PCLO: variants seen among roughly 807,000 people sequenced by gnomAD.
PCLO encodes piccolo presynaptic cytomatrix protein.
Under a neutral mutation model 427.5 loss-of-function variants are expected in PCLO, and 82 were observed. The observed-to-expected ratio is 0.19, with a 90% CI of 0.16 to 0.23. The LOEUF is 0.23. Among genes scored for constraint, PCLO ranks in the 10% least tolerant of loss-of-function variants. PCLO has a pLI of 1.00. For missense variants in PCLO, 6,239 were observed against 6,115.9 expected (o/e 1.02, Z -0.67); for synonymous variants, 2,357 against 2,155.4 (o/e 1.09, Z -2.59).
intron 9 of PCLO, among the ~76,000 whole-genome samples, chr7:82,896,676 A>G (rs1487039631): frequency 7.7e-6 from 1 of 129,536 alleles, no homozygotes; most frequent in East Asian, 2.4e-4. Context: ...AAATAATAAT[A>G]ATAATAATAT....
At chr7:82,876,455 T>TACACACACACACACACACAC (rs35270740) in intron 10 of PCLO, among the ~76,000 whole-genome samples, 26 of 143,102 alleles carry the variant, frequency 1.8e-4, no homozygotes, top group African/African-American at 6.6e-4. Flanking sequence ...AAAACAAGTA[T>TACACACACACACACACACAC]ACACACACAC....
chr7:82,954,091 T>G lies in PCLO; in HGVS notation c.6862A>C (p.Thr2288Pro). Reference sequence around the variant, plus strand: ...GATATAAGTAAGTCAGTAGAAACAGTGTCAGCAACTGGCCCTTCAGGTTTA... The same window carrying G: ...GATATAAGTAAGTCAGTAGAAACAGGGTCAGCAACTGGCCCTTCAGGTTTA... ...VPKPEGPVAD[T>P]VSTDLLISEK... is the part of the protein sequence containing the mutation. Residue 2288 changes from threonine to proline, a missense_variant, in exon 5 of 25, where the codon ACT becomes CCT. By Grantham distance (38) the Thr-to-Pro change is conservative (BLOSUM62 -1). Around this residue, in one of 5 missense-constraint regions of PCLO, gnomAD observed 4,677 missense variants for 4,468.4 expected, o/e 1.05. Coordinates refer to ENST00000333891, the MANE Select transcript of PCLO (RefSeq NM_033026.6). The G allele has an allele frequency of 6.2e-7, 1 of 1,613,846 alleles. No individual in the cohort carries two copies. Among genetic ancestry groups the G allele is most frequent in the Non-Finnish European group, 8.5e-7 (1 of 1,179,814 alleles).
At chr7:82,843,981 T>G (rs1318847080) in intron 13 of PCLO, among the ~76,000 whole-genome samples, 1 of 152,080 alleles carries the variant, frequency 6.6e-6, no homozygotes, top group Non-Finnish European at 1.5e-5. Flanking sequence ...GTATACATAT[T>G]TTAAAACATC....
intron 2 of PCLO, among the ~76,000 whole-genome samples, chr7:83,154,546 AG>A (rs1421676618): frequency 6.6e-6 from 1 of 152,186 alleles, no homozygotes; most frequent in African/African-American, 2.4e-5. Flanking sequence ...TCAAATTTTC[AG>A]AAATTGTGGC....
At chr7:82,848,303 A>ATTTTT (rs1792556648) in intron 10 of PCLO, among the ~76,000 whole-genome samples, 1 of 78,374 alleles carries the variant, frequency 1.3e-5, no homozygotes, top group Non-Finnish European at 2.8e-5. Context: ...ACCATTAGTT[A>ATTTTT]GTTTTTTTTT....
chr7:83,138,420 G>A (rs1178321069), intron 2 of PCLO, among the ~76,000 whole-genome samples: 1 of 152,136 alleles, frequency 6.6e-6, no homozygotes, highest in Non-Finnish European at 1.5e-5. Flanking sequence ...CAGCACTTTG[G>A]AAGGCCAACA....
At chr7:82,873,203 A>G (rs1217328336) in intron 10 of PCLO, among the ~76,000 whole-genome samples, 1 of 57,452 alleles carries the variant, frequency 1.7e-5, no homozygotes, top group Non-Finnish European at 3.6e-5. Flanking sequence ...TTTTTTTTGT[A>G]CATTCGAACC....
At chr7:82,879,884 A>G (rs761288964) in intron 9 of PCLO, 140 of 440,000 alleles carry the variant, frequency 3.2e-4, no homozygotes, top group Non-Finnish European at 6.2e-4. Context: ...CATACATACA[A>G]TTGTAATTTA....
At chr7:83,118,984 A>T (rs551764366) in intron 3 of PCLO, among the ~76,000 whole-genome samples, 27 of 152,216 alleles carry the variant, frequency 1.8e-4, no homozygotes, top group African/African-American at 6.5e-4. Flanking sequence ...ATAAAAAAAA[A>T]TTTTATCTTG....
At chr7:83,105,109 G>C (rs1304595279) in intron 3 of PCLO, among the ~76,000 whole-genome samples, 6 of 152,038 alleles carry the variant, frequency 3.9e-5, no homozygotes, top group African/African-American at 1.2e-4. Flanking sequence ...ATAAAATATA[G>C]GACATGTTCT....
intron 20 of PCLO, among the ~76,000 whole-genome samples, chr7:82,810,334 T>C (rs1442867134): frequency 6.6e-6 from 1 of 151,750 alleles, no homozygotes; most frequent in East Asian, 1.9e-4. Flanking sequence ...GTATTACATA[T>C]GAAAAAAGTT....
At chr7:83,093,805 A>T (rs1309845861) in intron 3 of PCLO, among the ~76,000 whole-genome samples, 4 of 21,908 alleles carry the variant, frequency 1.8e-4, no homozygotes, top group South Asian at 1.1e-3. Flanking sequence ...CACAAATATT[A>T]AAAAAAAAAA....
At chr7:83,128,529 T>C (rs1429125788) in intron 3 of PCLO, among the ~76,000 whole-genome samples, 1 of 152,088 alleles carries the variant, frequency 6.6e-6, no homozygotes, top group Non-Finnish European at 1.5e-5. Flanking sequence ...AGACTATTAA[T>C]TGATACAACC....
chr7:83,006,500 T>C (rs1787949312), intron 3 of PCLO, among the ~76,000 whole-genome samples: 2 of 151,572 alleles, frequency 1.3e-5, no homozygotes, highest in South Asian at 4.1e-4. Context: ...AGTTCCTTTC[T>C]CATACTGCTG....
At chr7:82,996,137 A>G (rs1248713335) in intron 3 of PCLO, among the ~76,000 whole-genome samples, 2 of 151,892 alleles carry the variant, frequency 1.3e-5, no homozygotes, top group African/African-American at 4.8e-5. Context: ...CAAAAATAAA[A>G]CAGGAATATA....
intron 3 of PCLO, among the ~76,000 whole-genome samples, chr7:83,030,604 AC>A (rs1403325132): frequency 6.6e-6 from 1 of 152,190 alleles, no homozygotes; most frequent in Non-Finnish European, 1.5e-5. Context: ...TGAGGAACAC[AC>A]CCCAGAAGCA....
chr7:83,005,659 G>A (rs1787928570), intron 3 of PCLO, among the ~76,000 whole-genome samples: 1 of 151,588 alleles, frequency 6.6e-6, no homozygotes, highest in Non-Finnish European at 1.5e-5. Context: ...CTGCTTGGCT[G>A]CAGCAGTCAT....
intron 22 of PCLO, among the ~76,000 whole-genome samples, chr7:82,774,868 C>T (rs563123946): frequency 1.2e-3 from 182 of 152,210 alleles, no homozygotes; most frequent in African/African-American, 4.1e-3. Flanking sequence ...TATTTTACTG[C>T]CCCCCAAGTC....
intron 10 of PCLO, among the ~76,000 whole-genome samples, chr7:82,855,129 A>T (rs958540810): frequency 6.6e-6 from 1 of 152,184 alleles, no homozygotes; most frequent in Non-Finnish European, 1.5e-5. Context: ...TCTTACTTAT[A>T]TCACAGTATT....
Sources: allele counts gnomAD v4.1 joint callset (sites outside exome capture counted in the v4.1 genomes callset), GRCh38; gene constraint gnomAD v4.1.1; regional missense constraint gnomAD v4.1.1; transcripts MANE v1.5; gene names NCBI Gene and HGNC (gene_info 2026-07-23, HGNC 2026-07-21).